The following WDR49 variants were observed in gnomAD, a reference collection of about 807,000 sequenced individuals.
WDR49 encodes the protein WD repeat domain 49.
WDR49 carries 107 observed loss-of-function variants against 119.5 expected under a neutral mutation model. The ratio of observed to expected loss-of-function variants is 0.90; its 90% CI spans 0.77 to 1.05. The LOEUF (loss-of-function observed/expected upper bound fraction) is 1.05, where lower values mean the gene tolerates loss of function less well. Among genes scored for constraint, WDR49 ranks in the 50% least tolerant of loss-of-function variants. The pLI is 0.00. For synonymous variants in WDR49, 425 were observed against 418.8 expected (o/e 1.01, Z -0.18); for missense variants, 1,240 against 1,220.5 (o/e 1.02, Z -0.24).
chr3:167,506,687 G>A (rs1035284065), intron 16 of WDR49, among the ~76,000 whole-genome samples: 1 of 151,982 alleles, frequency 6.6e-6, no homozygotes, highest in Non-Finnish European at 1.5e-5. Context: ...ATCAATATTG[G>A]TACAGTACTA....
intron 10 of WDR49, among the ~76,000 whole-genome samples, chr3:167,539,801 G>C (rs1711674204): frequency 6.6e-6 from 1 of 152,042 alleles, no homozygotes; most frequent in Non-Finnish European, 1.5e-5. Flanking sequence ...ACTACTGTAT[G>C]ACACTGTGAT....
At chr3:167,604,596 T>TA (rs1351760967) in intron 5 of WDR49, 128 bp from the exon 6 acceptor site, 1 of 921,762 alleles carries the variant, frequency 1.1e-6, no homozygotes, top group Non-Finnish European at 1.6e-6. Context: ...AACTGATACT[T>TA]AAAAAACACC....
chr3:167,624,285 T>TA lies in WDR49; in HGVS notation c.606+2566dup, dbSNP rs540196408. Among the ~76,000 whole-genome samples, 831 of 144,670 alleles carry TA rather than the reference T, an allele frequency of 5.7e-3. 10 individuals carry two copies. The highest frequency in any genetic ancestry group is 0.022 in the Middle Eastern group (6 of 274). 94.9% of individuals were successfully genotyped at this position (144,670 alleles called of 152,430 possible). The stretch of plus-strand genomic sequence containing the variant: ...CACAAAATGGAAGGCTGCAGAGCAA[T>TA]AAAAAAAACTAGTAGTATACCTCAA... On this transcript the variant is annotated intron_variant, in intron 3 of 18. Transcript: ENST00000682715.
At chr3:167,572,831 G>A (rs1714013257) in intron 8 of WDR49, among the ~76,000 whole-genome samples, 1 of 152,160 alleles carries the variant, frequency 6.6e-6, no homozygotes, top group Admixed American at 6.5e-5. Flanking sequence ...CCAAAGCTGA[G>A]TCTTGCCACT....
intron 16 of WDR49, among the ~76,000 whole-genome samples, chr3:167,507,789 T>A (rs961401969): frequency 6.6e-6 from 1 of 152,150 alleles, no homozygotes; most frequent in African/African-American, 2.4e-5. Flanking sequence ...TAGGAGAGAA[T>A]CTCTTGGAAA....
At chr3:167,577,962 C>G (rs1245743192) in intron 7 of WDR49, among the ~76,000 whole-genome samples, 1 of 152,006 alleles carries the variant, frequency 6.6e-6, no homozygotes, top group African/African-American at 2.4e-5. Flanking sequence ...ATAGACACAC[C>G]TCACAAACAT....
intron 9 of WDR49, among the ~76,000 whole-genome samples, chr3:167,557,893 A>G (rs544528530): frequency 6.6e-6 from 1 of 152,314 alleles, no homozygotes; most frequent in East Asian, 1.9e-4. Flanking sequence ...GTATCCATTT[A>G]TATGAGTCAA....
intron 3 of WDR49, 42 bp from the exon 4 acceptor site, chr3:167,621,685 A>T: frequency 6.8e-7 from 1 of 1,480,708 alleles, no homozygotes; most frequent in Non-Finnish European, 8.9e-7. Context: ...ATTCTGATGG[A>T]TTTAGCAAAA....
chr3:167,600,272 C>T (rs1231869338), intron 7 of WDR49, among the ~76,000 whole-genome samples: 1 of 152,084 alleles, frequency 6.6e-6, no homozygotes, highest in Non-Finnish European at 1.5e-5. Context: ...GTCATGTCCC[C>T]CCACACTTCC....
In WDR49 at chr3:167,621,625, T is replaced by C. The variant is rs542874963; in HGVS notation, c.625A>G (p.Ser209Gly). The change falls in exon 4 of 19, where the codon AGT (serine) becomes GGT (glycine). Residue 209 changes from serine (S) to glycine (G), a missense_variant. By Grantham distance (56) the Ser-to-Gly change is moderately conservative. Transcript: ENST00000682715. ...AGATCATAGAAACAAACCTCTTTACTTGTAAAAGCCACTGCTATCTAAAGT... is the reference window on the plus strand; with the variant it reads ...AGATCATAGAAACAAACCTCTTTACCTGTAAAAGCCACTGCTATCTAAAGT... ...NVNKIAVAFT[S>G]KEVCFYDLLS... 13 of 1,532,898 alleles carry C rather than the reference T, an allele frequency of 8.5e-6. No homozygotes were observed. The East Asian group carries it at 1.7e-4, about 20-fold the overall frequency. The allele number at this position is 1,532,898 out of a possible 1,614,324, so 95.0% of individuals were successfully genotyped here.
At chr3:167,484,500 G>A (rs960091348) in intron 18 of WDR49, among the ~76,000 whole-genome samples, 3 of 151,968 alleles carry the variant, frequency 2.0e-5, no homozygotes, top group Non-Finnish European at 2.9e-5. Context: ...GTTTCTGCCT[G>A]TGCCGAGCCT....
Position 167,653,816 on chromosome 3 carries a change from A to C in WDR49, c.-75+18T>G, listed in dbSNP as rs1162809594. The C allele has an allele frequency of 6.4e-6, 1 of 155,820 alleles. No individual in the cohort carries two copies. Among genetic ancestry groups the C allele is most frequent in the Non-Finnish European group, 1.4e-5 (1 of 70,576 alleles). 9.7% of individuals were successfully genotyped at this position (155,820 alleles called of 1,614,324 possible). A position where few individuals can be genotyped will look rare whatever the true frequency, so the allele number is the denominator to read the frequency against. On this transcript the variant is annotated intron_variant, in intron 1 of 18. Transcript: ENST00000682715. Reference sequence around the variant, plus strand: ...AATGCATTAGAAAAGCACCTTCCCAAAAATCTCTTTAACTAACCTTGCTTC... The same window carrying C: ...AATGCATTAGAAAAGCACCTTCCCACAAATCTCTTTAACTAACCTTGCTTC...
At chr3:167,657,379 A>G (rs1718630047), upstream of WDR49, among the ~76,000 whole-genome samples, 1 of 152,206 alleles carries the variant, frequency 6.6e-6, no homozygotes, top group African/African-American at 2.4e-5. Context: ...TGAGAAAAAC[A>G]CAGTATACCA....
At chr3:167,590,681 A>G (rs1715064927) in intron 7 of WDR49, among the ~76,000 whole-genome samples, 1 of 152,082 alleles carries the variant, frequency 6.6e-6, no homozygotes, top group South Asian at 2.1e-4. Flanking sequence ...TTGTCAAGTT[A>G]TTAACATATA....
chr3:167,577,038 A>G (rs540764550), intron 7 of WDR49, among the ~76,000 whole-genome samples: 2 of 152,304 alleles, frequency 1.3e-5, no homozygotes, highest in East Asian at 3.9e-4. Flanking sequence ...AACCACAGAT[A>G]TTAAATTCTT....
intron 18 of WDR49, among the ~76,000 whole-genome samples, chr3:167,488,430 C>T (rs758872246): frequency 2.6e-5 from 4 of 151,930 alleles, no homozygotes; most frequent in Non-Finnish European, 4.4e-5. Context: ...TGCAAAACTA[C>T]CTATTGGGTA....
At chr3:167,617,210 G>C (rs1716637434) in intron 5 of WDR49, among the ~76,000 whole-genome samples, 1 of 152,088 alleles carries the variant, frequency 6.6e-6, no homozygotes, top group African/African-American at 2.4e-5. Flanking sequence ...GGACGTTTCA[G>C]GAAAAACGTT....
chr3:167,609,885 T>A (rs1716260804), intron 5 of WDR49, among the ~76,000 whole-genome samples: 1 of 152,010 alleles, frequency 6.6e-6, no homozygotes, highest in Non-Finnish European at 1.5e-5. Flanking sequence ...TTGGTCAGAG[T>A]TGTGAGGCTC....
chr3:167,635,938 C>T (rs1717597947), intron 2 of WDR49, among the ~76,000 whole-genome samples: 1 of 151,600 alleles, frequency 6.6e-6, no homozygotes, highest in Non-Finnish European at 1.5e-5. Context: ...AAACATTATT[C>T]TAAGCACTCA....
Sources: allele counts gnomAD v4.1 joint callset (sites outside exome capture counted in the v4.1 genomes callset), GRCh38; gene constraint gnomAD v4.1.1; transcripts MANE v1.5; gene names NCBI Gene and HGNC (gene_info 2026-07-23, HGNC 2026-07-21).